Variants in LRP1B observed in about 807,000 individuals in gnomAD.
The protein encoded by LRP1B is low-density lipoprotein receptor-related protein 1B.
Under a neutral mutation model 556.6 loss-of-function variants are expected in LRP1B, and 217 were observed. The ratio of observed to expected loss-of-function variants is 0.39; its 90% CI spans 0.35 to 0.44. The LOEUF (loss-of-function observed/expected upper bound fraction) is 0.44, where lower values mean the gene tolerates loss of function less well. LRP1B is among the 20% of genes least tolerant of loss of function. The pLI, the probability that LRP1B is intolerant of heterozygous loss-of-function variation, is 1.00. For missense variants in LRP1B, 5,053 were observed against 5,620.8 expected, an observed-to-expected ratio of 0.90 and a Z score of 3.23; for synonymous variants, 2,047 against 1,865.8, an observed-to-expected ratio of 1.10 and a Z score of -2.50.
At chr2:141,955,189 A>C (rs1701212243) in intron 1 of LRP1B, among the ~76,000 whole-genome samples, 3 of 152,126 alleles carry the variant, frequency 2.0e-5, no homozygotes, top group Non-Finnish European at 4.4e-5. Flanking sequence ...TTTTAGTGTA[A>C]GTCTGTACTA....
intron 22 of LRP1B, among the ~76,000 whole-genome samples, chr2:140,907,015 A>G (rs578142226): frequency 6.6e-6 from 1 of 151,180 alleles, no homozygotes; most frequent in African/African-American, 2.4e-5. Context: ...TCAGTATGCT[A>G]TTAATGCTCA....
At position 141,059,038 on chromosome 2, in the gene LRP1B, C is replaced by A. The variant is rs1699265047; in HGVS notation, c.1253G>T (p.Gly418Val). The A allele has an allele frequency of 6.4e-7, 1 of 1,561,784 alleles. No homozygotes were observed. Among genetic ancestry groups the A allele is most frequent in the Middle Eastern group, 1.7e-4 (1 of 5,750 alleles). The change falls in exon 9 of 91, where the codon GGT (glycine) becomes GTT (valine). Residue 418 changes from glycine to valine, a missense_variant. By Grantham distance (109) the Gly-to-Val change is moderately radical. Transcript: ENST00000389484. ...CAAATAATCTTCAAACACAGTTATACCATAAAGATGTCTAACCTATAAAGA... is the reference window on the plus strand; with the variant it reads ...CAAATAATCTTCAAACACAGTTATAACATAAAGATGTCTAACCTATAAAGA... The part of the protein sequence containing the change: ...IQGRQVRHLY[G>V]ITVFEDYLYA...
intron 3 of LRP1B, among the ~76,000 whole-genome samples, chr2:141,471,595 G>A (rs1470053995): frequency 6.6e-6 from 1 of 152,072 alleles, no homozygotes; most frequent in Non-Finnish European, 1.5e-5. Flanking sequence ...AGCTCACTTG[G>A]GATATCTTCT....
intron 2 of LRP1B, among the ~76,000 whole-genome samples, chr2:141,574,172 A>G (rs562059694): frequency 6.6e-6 from 1 of 152,282 alleles, no homozygotes; most frequent in African/African-American, 2.4e-5. Flanking sequence ...ATATCTCTGA[A>G]GAACATCAAT....
At chr2:142,012,661 G>T (rs974139771) in intron 1 of LRP1B, among the ~76,000 whole-genome samples, 2 of 152,090 alleles carry the variant, frequency 1.3e-5, no homozygotes, top group East Asian at 3.9e-4. Context: ...TTAGCTGTTT[G>T]TTTTAGCATT....
At chr2:140,677,876 CAAA>C (rs56656451) in intron 41 of LRP1B, among the ~76,000 whole-genome samples, 3 of 75,258 alleles carry the variant, frequency 4.0e-5, no homozygotes, top group Non-Finnish European at 6.0e-5. Flanking sequence ...AACTATGTCT[CAAA>C]AAAAAAAAAA....
intron 43 of LRP1B, among the ~76,000 whole-genome samples, chr2:140,590,544 G>A (rs1682179142): frequency 7.2e-6 from 1 of 138,398 alleles, no homozygotes; most frequent in Non-Finnish European, 1.6e-5. Flanking sequence ...AGAATTTGTG[G>A]CCTAGATCTC....
intron 43 of LRP1B, among the ~76,000 whole-genome samples, chr2:140,590,730 T>A (rs572465584): frequency 6.6e-6 from 1 of 152,188 alleles, no homozygotes; most frequent in South Asian, 2.1e-4. Flanking sequence ...TCTAGAACTG[T>A]GAGAAAGTAA....
chr2:140,761,371 C>T (rs1479074772), intron 35 of LRP1B, among the ~76,000 whole-genome samples: 7 of 152,184 alleles, frequency 4.6e-5, no homozygotes, highest in African/African-American at 2.4e-5. Flanking sequence ...ATGTGGCCCC[C>T]TCTTACCCCT....
At chr2:141,749,537 G>GAATGATACCATTCAAGTTTGTGT (rs1694031380) in intron 2 of LRP1B, among the ~76,000 whole-genome samples, 1 of 152,144 alleles carries the variant, frequency 6.6e-6, no homozygotes, top group East Asian at 1.9e-4. Flanking sequence ...ACCTAAACTT[G>GAATGATACCATTCAAGTTTGTGT]AATGATACCA....
At chr2:142,052,749 T>G (rs1704507266) in intron 1 of LRP1B, among the ~76,000 whole-genome samples, 1 of 152,118 alleles carries the variant, frequency 6.6e-6, no homozygotes, top group African/African-American at 2.4e-5. Context: ...CAAGCTTCTT[T>G]AACATGTGTG....
chr2:141,281,310 T>G (rs1685500327), intron 3 of LRP1B, among the ~76,000 whole-genome samples: 2 of 151,948 alleles, frequency 1.3e-5, no homozygotes. Context: ...GTGACAAAAA[T>G]GTAATGATTG....
intron 1 of LRP1B, among the ~76,000 whole-genome samples, chr2:141,940,631 G>T (rs1259171913): frequency 6.6e-6 from 1 of 152,260 alleles, no homozygotes; most frequent in African/African-American, 2.4e-5. Flanking sequence ...CTTAGGAGGA[G>T]AATTTGAATA....
chr2:141,726,111 C>A (rs1693021004), intron 2 of LRP1B, among the ~76,000 whole-genome samples: 1 of 150,374 alleles, frequency 6.7e-6, no homozygotes, highest in Non-Finnish European at 1.5e-5. Context: ...GACTTCTGTA[C>A]AATAGAATAT....
chr2:141,332,649 A>C (rs2105497448), intron 3 of LRP1B, among the ~76,000 whole-genome samples: 1 of 151,480 alleles, frequency 6.6e-6, no homozygotes, highest in Admixed American at 6.6e-5. Context: ...GATGGGTCAA[A>C]GTCATTGCTA....
intron 7 of LRP1B, among the ~76,000 whole-genome samples, chr2:141,080,653 G>A (rs1699900095): frequency 6.6e-6 from 1 of 152,114 alleles, no homozygotes; most frequent in Non-Finnish European, 1.5e-5. Context: ...AAACGATGGT[G>A]CATACAAAAG....
chr2:141,634,604 G>A (rs1288104335), intron 2 of LRP1B, among the ~76,000 whole-genome samples: 2 of 152,008 alleles, frequency 1.3e-5, no homozygotes, highest in Non-Finnish European at 2.9e-5. Context: ...AAATGTGACT[G>A]TGCTTTATCT....
chr2:141,608,061 C>T (rs1343663525), intron 2 of LRP1B, among the ~76,000 whole-genome samples: 2 of 152,090 alleles, frequency 1.3e-5, no homozygotes, highest in Admixed American at 1.3e-4. Flanking sequence ...CCTGTCTCTG[C>T]TAAAAATACA....
chr2:141,008,176 A>G (rs1424540991), intron 14 of LRP1B, among the ~76,000 whole-genome samples: 1 of 151,394 alleles, frequency 6.6e-6, no homozygotes, highest in Non-Finnish European at 1.5e-5. Context: ...TTATACCTAT[A>G]TATCAATTAA....
Sources: allele counts gnomAD v4.1 joint callset (sites outside exome capture counted in the v4.1 genomes callset), GRCh38; gene constraint gnomAD v4.1.1; transcripts MANE v1.5; gene names NCBI Gene and HGNC (gene_info 2026-07-23, HGNC 2026-07-21).